The following RASGEF1A variants were observed in gnomAD, a reference collection of about 807,000 sequenced individuals.
RASGEF1A encodes ras-GEF domain-containing family member 1A.
Under a neutral mutation model 56.4 loss-of-function variants are expected in RASGEF1A, and 18 were observed. The observed-to-expected ratio is 0.32, with a 90% CI of 0.22 to 0.47. RASGEF1A has a LOEUF of 0.47. RASGEF1A is among the 20% of genes least tolerant of loss of function. The probability of loss-of-function intolerance (pLI) is 1.00; values close to 1 mark genes in which losing one functional copy is unlikely to be tolerated. For missense variants in RASGEF1A, 422 were observed against 627.1 expected (o/e 0.67, Z 3.49); for synonymous variants, 245 against 242.6 (o/e 1.01, Z -0.09).
intron 7 of RASGEF1A, 117 bp from the exon 8 acceptor site, chr10:43,199,311 C>A (rs1002612656): frequency 1.3e-6 from 1 of 777,244 alleles, no homozygotes; most frequent in Non-Finnish European, 2.2e-6. Flanking sequence ...CTGGCCACAG[C>A]GGGCTGATCC....
At chr10:43,239,744 T>C (rs1330672876) in intron 1 of RASGEF1A, among the ~76,000 whole-genome samples, 4 of 152,212 alleles carry the variant, frequency 2.6e-5, no homozygotes, top group Non-Finnish European at 5.9e-5. Flanking sequence ...ACCTGTCCAG[T>C]AGTTCCCATG....
chr10:43,223,532 C>T (rs1243015243), intron 1 of RASGEF1A, among the ~76,000 whole-genome samples: 1 of 152,102 alleles, frequency 6.6e-6, no homozygotes, highest in Non-Finnish European at 1.5e-5. Context: ...GAAGTAAACA[C>T]TAAGCACTTG....
intron 1 of RASGEF1A, among the ~76,000 whole-genome samples, chr10:43,215,847 G>A (rs778726003): frequency 2.6e-5 from 4 of 152,232 alleles, no homozygotes; most frequent in Non-Finnish European, 5.9e-5. Flanking sequence ...GAGATGGAAG[G>A]TCAGGAATGT....
rs763310588 is a variant in RASGEF1A, at chr10:43,201,827, C to T, written c.440G>A (p.Arg147His). The change falls in exon 4 of 13, where the codon CGT becomes CAT. Residue 147 changes from arginine (R) to histidine (H), a missense_variant. Coordinates refer to ENST00000395810, the MANE Select transcript of RASGEF1A (RefSeq NM_145313.4). ...ACTCACCTCATCACACTGGGTGACA[C>T]GGTGTGTGATGGCTTTCAGCTCGGC... ...AMAELKAITH[R>H]VTQCDEENGT... 15 of 1,607,706 alleles carry T rather than the reference C, an allele frequency of 9.3e-6. No individual in the cohort carries two copies. Among genetic ancestry groups the T allele is most frequent in the African/African-American group, 1.3e-5 (1 of 74,860 alleles).
At chr10:43,243,341 C>A (rs571490239) in intron 1 of RASGEF1A, among the ~76,000 whole-genome samples, 1 of 150,242 alleles carries the variant, frequency 6.7e-6, no homozygotes, top group South Asian at 2.1e-4. Flanking sequence ...CCGGCCGCCC[C>A]ATCTGGGAAG....
At position 43,241,232 on chromosome 10, in the gene RASGEF1A, T is replaced by C. The variant is rs139409503; in HGVS notation, c.-7+25613A>G. Reference sequence around the variant, plus strand: ...TAAACACATTTTATGCACTTAACTCTATTTTTCTCCTATTTGAATTAAAAG... The same window carrying C: ...TAAACACATTTTATGCACTTAACTCCATTTTTCTCCTATTTGAATTAAAAG... On this transcript the variant is annotated intron_variant, in intron 1 of 12. Transcript: ENST00000395810. Among the ~76,000 whole-genome samples, 259 of 152,350 alleles carry C rather than the reference T, an allele frequency of 1.7e-3. 2 individuals are homozygous for C. The highest frequency in any genetic ancestry group is 6.0e-3 in the African/African-American group (249 of 41,586).
At chr10:43,253,145 T>C (rs1002908696) in intron 1 of RASGEF1A, among the ~76,000 whole-genome samples, 1 of 152,104 alleles carries the variant, frequency 6.6e-6, no homozygotes, top group Admixed American at 6.5e-5. Context: ...CAAGGCCACC[T>C]GCAGGAGGGG....
In RASGEF1A at chr10:43,236,395, G is replaced by A. The variant is rs1262084663; in HGVS notation, c.-6-30273C>T. ...AGCAGGTGTGCGTATGCACATGTGT[G>A]CTTTCTGCATGTGTGCATAGGCATG... On this transcript the variant is annotated intron_variant, in intron 1 of 12. Transcript: ENST00000395810. Among the ~76,000 whole-genome samples the A allele has an allele frequency of 2.6e-5, 4 of 152,374 alleles. No individual in the cohort carries two copies. The East Asian group carries it at 5.8e-4, about 22-fold the overall frequency.
At chr10:43,229,691 C>T in intron 1 of RASGEF1A, 1 of 1,443,962 alleles carries the variant, frequency 6.9e-7, no homozygotes, top group South Asian at 1.3e-5. Context: ...CTGCCCGGTC[C>T]GGCGTCCAGC....
Position 43,266,772 on chromosome 10 carries a change from C to G in RASGEF1A, c.-7+73G>C, listed in dbSNP as rs866338543. On this transcript the variant is annotated intron_variant, in intron 1 of 12. Transcript: ENST00000395810. Reference sequence around the variant, plus strand: ...CGCGCACGCCGCGCCCTGCCCGCGCCGGCGACCGGAGGGCACGGCCCCAGG... The same window carrying G: ...CGCGCACGCCGCGCCCTGCCCGCGCGGGCGACCGGAGGGCACGGCCCCAGG... The G allele has an allele frequency of 4.9e-3, 716 of 146,024 alleles. 9 individuals are homozygous for G. The highest frequency in any genetic ancestry group is 0.017 in the African/African-American group (677 of 40,810). The allele number at this position is 146,024 out of a possible 1,614,324, so 9.0% of individuals were successfully genotyped here.
At chr10:43,251,348 G>A (rs74135479) in intron 1 of RASGEF1A, among the ~76,000 whole-genome samples, 2,581 of 152,228 alleles carry the variant, frequency 0.017, 79 homozygotes, top group African/African-American at 0.059. Flanking sequence ...TCTGCACCCC[G>A]CTGCTGCCTG....
chr10:43,208,092 C>A (rs1346511572), intron 1 of RASGEF1A: 22 of 985,500 alleles, frequency 2.2e-5, no homozygotes, highest in Non-Finnish European at 2.7e-5. Flanking sequence ...TTGCCCACAG[C>A]TGCTCAGCAC....
chr10:43,196,204 A>T lies in RASGEF1A; in HGVS notation c.*40T>A. 6.2e-7 allele frequency: 1 copy of T among 1,604,560 alleles called. No homozygotes were observed. Among genetic ancestry groups the T allele is most frequent in the Non-Finnish European group, 8.5e-7 (1 of 1,173,346 alleles). ...CATCAGTCAAAATTTAAACCCAGTT[A>T]GTGCACGTGCTTCCTCTGGCGTCGC... On this transcript the variant is annotated 3_prime_UTR_variant, in exon 13 of 13. Coordinates refer to ENST00000395810, the MANE Select transcript of RASGEF1A (RefSeq NM_145313.4). This position sits in a 1 kb window ranked among gnomAD's most constrained non-coding sequence, Gnocchi z 4.6.
chr10:43,234,060 T>C (rs1211512850), intron 1 of RASGEF1A, among the ~76,000 whole-genome samples: 1 of 152,148 alleles, frequency 6.6e-6, no homozygotes, highest in Non-Finnish European at 1.5e-5. Flanking sequence ...CCCAGAGGTC[T>C]GGGGTGCTGC....
chr10:43,231,748 G>T (rs369948078), intron 1 of RASGEF1A, among the ~76,000 whole-genome samples: 1 of 152,264 alleles, frequency 6.6e-6, no homozygotes, highest in African/African-American at 2.4e-5. Flanking sequence ...CTGAGGATGC[G>T]AGGAGGCTGC....
At chr10:43,227,090 G>A (rs1377553146) in intron 1 of RASGEF1A, among the ~76,000 whole-genome samples, 1 of 152,202 alleles carries the variant, frequency 6.6e-6, no homozygotes, top group East Asian at 1.9e-4. Context: ...TTTTCCAGTG[G>A]GTTAAGGGGG....
intron 1 of RASGEF1A, among the ~76,000 whole-genome samples, chr10:43,242,633 G>A (rs1915142): frequency 0.17 from 25,406 of 151,892 alleles, 2,733 homozygotes; most frequent in East Asian, 0.51. Flanking sequence ...CTTGGGCTCC[G>A]GTGATTCTCC....
intron 1 of RASGEF1A, among the ~76,000 whole-genome samples, chr10:43,253,215 G>A (rs186981527): frequency 4.7e-4 from 71 of 152,290 alleles, no homozygotes; most frequent in Admixed American, 1.7e-3. Context: ...TCATCCTGAT[G>A]TGTTCAGCGG....
chr10:43,251,595 C>G (rs1170963897), intron 1 of RASGEF1A, among the ~76,000 whole-genome samples: 1 of 152,202 alleles, frequency 6.6e-6, no homozygotes, highest in East Asian at 1.9e-4. Context: ...CCAGAGCCCA[C>G]AGCCCACACC....
Sources: gnomAD v4.1 joint callset for allele counts (sites outside exome capture counted in the v4.1 genomes callset) on GRCh38, gnomAD v4.1.1 for gene constraint, Gnocchi (gnomAD v3.1) non-coding constraint, MANE v1.5 for transcripts, NCBI Gene and HGNC (gene_info 2026-07-23, HGNC 2026-07-21) for gene names.